ZFHX4: variants seen among roughly 807,000 people sequenced by gnomAD.
ZFHX4 encodes the protein zinc finger homeobox 4, also known as zinc finger homeobox protein 4.
In ZFHX4, 56 loss-of-function variants were observed where a neutral mutation model predicts 267.6. The ratio of observed to expected loss-of-function variants is 0.21; its 90% confidence interval spans 0.17 to 0.26. The LOEUF (loss-of-function observed/expected upper bound fraction) is 0.26. Among genes scored for constraint, ZFHX4 ranks in the 10% least tolerant of loss-of-function variants. ZFHX4 has a pLI of 1.00. For missense variants in ZFHX4, 4,332 were observed against 4,420.0 expected (o/e 0.98, Z 0.56); for synonymous variants, 1,778 against 1,665.6 (o/e 1.07, Z -1.64).
At chr8:76,709,809 G>A (rs1390809997) in intron 3 of ZFHX4, among the ~76,000 whole-genome samples, 1 of 138,232 alleles carries the variant, frequency 7.2e-6, no homozygotes, top group African/African-American at 2.7e-5. Context: ...GTGCGTGTGT[G>A]TGTGTGTGTG....
intron 4 of ZFHX4, among the ~76,000 whole-genome samples, chr8:76,780,355 G>A (rs1454763124): frequency 6.6e-6 from 1 of 152,088 alleles, no homozygotes; most frequent in Non-Finnish European, 1.5e-5. Flanking sequence ...GTCAGCTTCT[G>A]GTTACTACCC....
intron 4 of ZFHX4, among the ~76,000 whole-genome samples, chr8:76,807,308 G>A (rs577150619): frequency 1.4e-4 from 21 of 151,894 alleles, no homozygotes; most frequent in Non-Finnish European, 1.6e-4. Context: ...AAAAACTAAA[G>A]GCTAACCTTT....
chr8:76,743,589 G>A (rs1446827753), intron 3 of ZFHX4, among the ~76,000 whole-genome samples: 2 of 152,172 alleles, frequency 1.3e-5, no homozygotes, highest in African/African-American at 4.8e-5. Flanking sequence ...ATCTGGTAAA[G>A]GAGCTTAAGT....
At chr8:76,842,240 T>C (rs1231058052) in intron 5 of ZFHX4, among the ~76,000 whole-genome samples, 3 of 152,190 alleles carry the variant, frequency 2.0e-5, no homozygotes, top group Non-Finnish European at 4.4e-5. Context: ...ACCGTTGTTA[T>C]ATTATTTAAG....
intron 3 of ZFHX4, among the ~76,000 whole-genome samples, chr8:76,777,853 CTTGT>C (rs1810438467): frequency 7.3e-6 from 1 of 137,028 alleles, no homozygotes; most frequent in South Asian, 2.3e-4. Context: ...CCTTGATGAA[CTTGT>C]TTTTTTTTTT....
In ZFHX4 at chr8:76,851,821, G is replaced by T. The variant is rs746249824; in HGVS notation, c.4900G>T (p.Gly1634Cys). 1 of 1,613,952 alleles carries T rather than the reference G, an allele frequency of 6.2e-7. No individual in the cohort carries two copies. The highest frequency in any genetic ancestry group is 1.1e-5 in the South Asian group (1 of 91,086). Residue 1634 changes from glycine (G) to cysteine (C), a missense_variant, in exon 10 of 11, where the codon GGT becomes TGT. By Grantham distance (159) the Gly-to-Cys change is radical. Coordinates refer to ENST00000651372, the MANE Select transcript of ZFHX4 (RefSeq NM_024721.5). Reference sequence around the variant, plus strand: ...GCTGGAGCCCAGTGGTCATGTGGCTGGTGGGCACAGCATTGCAGCAAATGT... The same window carrying T: ...GCTGGAGCCCAGTGGTCATGTGGCTTGTGGGCACAGCATTGCAGCAAATGT... ...AKLEPSGHVAGGHSIAANVNS... is the reference protein window; with the variant it reads ...AKLEPSGHVACGHSIAANVNS...
intron 3 of ZFHX4, among the ~76,000 whole-genome samples, chr8:76,755,228 A>T (rs1016688959): frequency 6.6e-6 from 1 of 152,138 alleles, no homozygotes; most frequent in African/African-American, 2.4e-5. Context: ...ATATACTGAG[A>T]ATACTAGCCC....
rs1808256779 is a variant in ZFHX4 at position 76,705,992 on chromosome 8, T to G, written c.1904T>G (p.Met635Arg). Residue 635 changes from methionine to arginine, a missense_variant, in exon 2 of 11, where the codon ATG becomes AGG. This residue lies in a region of ZFHX4 where 1,195 missense variants were observed against 1,173.6 expected (regional missense o/e 1.02). Coordinates refer to ENST00000651372, the MANE Select transcript of ZFHX4 (RefSeq NM_024721.5). ...SRSLGGHMTMMHSRNSCKTLK... is the reference protein window; with the variant it reads ...SRSLGGHMTMRHSRNSCKTLK... ...TCTCTTGGTGGTCATATGACTATGA[T>G]GCACTCGAGGAACTCATGCAAAACC... 6.2e-7 allele frequency: 1 copy of G among 1,612,828 alleles called. No individual in the cohort carries two copies. The highest frequency in any genetic ancestry group is 1.3e-5 in the African/African-American group (1 of 74,660).
At chr8:76,730,611 A>C (rs971031700) in intron 3 of ZFHX4, among the ~76,000 whole-genome samples, 2 of 152,084 alleles carry the variant, frequency 1.3e-5, no homozygotes, top group South Asian at 2.1e-4. Flanking sequence ...AGGCATGAGA[A>C]TCGATTGAAT....
At chr8:76,795,763 C>A (rs1810965003) in intron 4 of ZFHX4, among the ~76,000 whole-genome samples, 1 of 152,056 alleles carries the variant, frequency 6.6e-6, no homozygotes, top group South Asian at 2.1e-4. Flanking sequence ...TCTCGATCTC[C>A]TGACCTCAGG....
intron 5 of ZFHX4, among the ~76,000 whole-genome samples, chr8:76,838,616 T>TA (rs1812152582): frequency 6.6e-6 from 1 of 152,160 alleles, no homozygotes; most frequent in Non-Finnish European, 1.5e-5. Flanking sequence ...TGTACAGAGA[T>TA]ACTCAATATG....
chr8:76,740,084 AT>A (rs1250537249), intron 3 of ZFHX4, among the ~76,000 whole-genome samples: 1 of 152,182 alleles, frequency 6.6e-6, no homozygotes, highest in East Asian at 1.9e-4. Flanking sequence ...GTGGAAGAGA[AT>A]TGTTGAATGC....
intron 1 of ZFHX4, among the ~76,000 whole-genome samples, chr8:76,696,494 G>C (rs1281515346): frequency 1.3e-5 from 2 of 151,878 alleles, no homozygotes; most frequent in Admixed American, 1.3e-4. Context: ...GATAATATGT[G>C]GGTAAACCAA....
intron 4 of ZFHX4, among the ~76,000 whole-genome samples, chr8:76,815,505 T>C: frequency 6.6e-6 from 1 of 152,068 alleles, no homozygotes; most frequent in Admixed American, 6.6e-5. Flanking sequence ...TTTTTAAATT[T>C]ATTTATTTAT....
At chr8:76,708,580 T>A (rs1032980778) in intron 3 of ZFHX4, among the ~76,000 whole-genome samples, 1 of 152,218 alleles carries the variant, frequency 6.6e-6, no homozygotes, top group African/African-American at 2.4e-5. Flanking sequence ...TCTCTAAAAG[T>A]AAATTCTGTT....
chr8:76,748,822 A>G (rs1268752606), intron 3 of ZFHX4, among the ~76,000 whole-genome samples: 4 of 152,182 alleles, frequency 2.6e-5, no homozygotes, highest in African/African-American at 4.8e-5. Context: ...CAAGGCTACC[A>G]TGTTGAACAT....
intron 3 of ZFHX4, among the ~76,000 whole-genome samples, chr8:76,739,345 C>T (rs1362780954): frequency 6.6e-6 from 1 of 152,136 alleles, no homozygotes; most frequent in East Asian, 1.9e-4. Flanking sequence ...AAGAAAGGAG[C>T]TATCAACTGT....
chr8:76,753,986 A>G (rs185289082), intron 3 of ZFHX4, among the ~76,000 whole-genome samples: 20 of 152,262 alleles, frequency 1.3e-4, no homozygotes, highest in Admixed American at 1.2e-3. Flanking sequence ...CTTTGGAATC[A>G]TACTGACAGG....
rs1419589371 is a variant in ZFHX4 at position 76,702,015 on chromosome 8, C to T, written c.-46-2028C>T. On this transcript the variant is annotated intron_variant, in intron 1 of 10. Transcript: ENST00000651372. Reference sequence around the variant, plus strand: ...ATTATATTTTAGGCATTTTGGCTGCCTTCAGTATGAATACGTTATTTGTGC... The same window carrying T: ...ATTATATTTTAGGCATTTTGGCTGCTTTCAGTATGAATACGTTATTTGTGC... 3.3e-5 allele frequency among the ~76,000 whole-genome samples: 5 copies of T among 152,184 alleles called. No homozygotes were observed. The East Asian group carries it at 9.7e-4, about 29-fold the overall frequency.
Sources: allele counts gnomAD v4.1 joint callset (sites outside exome capture counted in the v4.1 genomes callset), GRCh38; gene constraint gnomAD v4.1.1; regional missense constraint gnomAD v4.1.1; transcripts MANE v1.5; gene names NCBI Gene and HGNC (gene_info 2026-07-23, HGNC 2026-07-21).